ASF1B: variants seen among roughly 807,000 people sequenced by gnomAD.
ASF1B encodes histone chaperone ASF1B.
Under a neutral mutation model 16.6 loss-of-function variants are expected in ASF1B, and 10 were observed. The ratio of observed to expected loss-of-function variants is 0.60; its 90% confidence interval spans 0.37 to 1.02. The LOEUF is 1.02. Ranked by LOEUF, ASF1B falls within the 50% of genes least tolerant of loss-of-function variation. The probability of loss-of-function intolerance (pLI) is 0.01; values close to 1 mark genes in which losing one functional copy is unlikely to be tolerated. For missense variants in ASF1B, 240 were observed against 266.0 expected (o/e 0.90, Z 0.68); for synonymous variants, 101 against 106.2 (o/e 0.95, Z 0.30).
chr19:14,130,101 C>A (rs1376369290), intron 1 of ASF1B, among the ~76,000 whole-genome samples: 1 of 151,540 alleles, frequency 6.6e-6, no homozygotes, highest in Non-Finnish European at 1.5e-5. Flanking sequence ...CTCTGTTGCC[C>A]AGACTAGAGT....
At chr19:14,126,677 GA>G (rs1967323466) in intron 1 of ASF1B, among the ~76,000 whole-genome samples, 4 of 152,148 alleles carry the variant, frequency 2.6e-5, no homozygotes, top group African/African-American at 9.7e-5. Context: ...TCACCATGTT[GA>G]TCAGGCTGGT....
At chr19:14,122,622 A>C (rs1967257428) in intron 2 of ASF1B, among the ~76,000 whole-genome samples, 1 of 152,178 alleles carries the variant, frequency 6.6e-6, no homozygotes, top group African/African-American at 2.4e-5. Flanking sequence ...AGCCTCCCAA[A>C]GGGCTGGGAT....
At chr19:14,121,443 G>C (rs1568542992) in intron 3 of ASF1B, 89 bp downstream of exon 3, 3 of 1,416,114 alleles carry the variant, frequency 2.1e-6, no homozygotes, top group Non-Finnish European at 2.9e-6. Context: ...ACCTTAAGAA[G>C]TGACCTTGAC....
At chr19:14,132,733 G>A (rs937058446) in intron 1 of ASF1B, among the ~76,000 whole-genome samples, 3 of 152,128 alleles carry the variant, frequency 2.0e-5, no homozygotes, top group African/African-American at 4.8e-5. Flanking sequence ...CCGGAGAATC[G>A]CTTGAACTCG....
intron 2 of ASF1B, among the ~76,000 whole-genome samples, chr19:14,124,745 G>A (rs776877139): frequency 3.9e-5 from 6 of 152,146 alleles, no homozygotes; most frequent in South Asian, 2.1e-4. Flanking sequence ...GTGAATGAGC[G>A]TCCTTTCCTC....
intron 2 of ASF1B, among the ~76,000 whole-genome samples, chr19:14,122,821 G>A (rs1409338011): frequency 6.6e-6 from 1 of 152,148 alleles, no homozygotes; most frequent in Non-Finnish European, 1.5e-5. Flanking sequence ...GGCCACCCGG[G>A]GGCCAGCTAA....
intron 1 of ASF1B, among the ~76,000 whole-genome samples, chr19:14,133,990 G>T (rs1232221139): frequency 6.6e-6 from 1 of 151,758 alleles, no homozygotes; most frequent in Non-Finnish European, 1.5e-5. Context: ...TTTTTTAGTA[G>T]AGACGGGGTT....
chr19:14,121,127 C>CT (rs200174297), intron 3 of ASF1B, among the ~76,000 whole-genome samples: 42 of 145,234 alleles, frequency 2.9e-4, no homozygotes, highest in South Asian at 8.7e-4. Flanking sequence ...TGGCCCAGGA[C>CT]TTTTTTTTTT....
chr19:14,121,308 G>T, intron 3 of ASF1B: 1 of 454,450 alleles, frequency 2.2e-6, no homozygotes, highest in South Asian at 5.6e-5. Flanking sequence ...CGGGGGTTAG[G>T]GACAGGGTCT....
intron 3 of ASF1B, chr19:14,121,140 A>G: frequency 3.3e-6 from 1 of 299,732 alleles, no homozygotes; most frequent in Non-Finnish European, 6.1e-6. Context: ...TTTTTTTTTA[A>G]GGGACAGTCT....
At chr19:14,133,856 T>C (rs957924333) in intron 1 of ASF1B, among the ~76,000 whole-genome samples, 2 of 129,940 alleles carry the variant, frequency 1.5e-5, no homozygotes, top group African/African-American at 3.0e-5. Flanking sequence ...CAGGCTGGAG[T>C]GCAGTGGCGC....
intron 1 of ASF1B, among the ~76,000 whole-genome samples, chr19:14,129,071 T>C (rs902287854): frequency 6.6e-6 from 1 of 152,016 alleles, no homozygotes; most frequent in African/African-American, 2.4e-5. Flanking sequence ...CCCTGCAACA[T>C]AGGCAGACTC....
At chr19:14,121,434 C>T in intron 3 of ASF1B, 98 bp downstream of exon 3, 1 of 1,359,240 alleles carries the variant, frequency 7.4e-7, no homozygotes, top group Non-Finnish European at 1.0e-6. Context: ...TACTTGAAAA[C>T]CTTAAGAAGT....
At chr19:14,131,388 G>C (rs1212902278) in intron 1 of ASF1B, among the ~76,000 whole-genome samples, 2 of 151,254 alleles carry the variant, frequency 1.3e-5, no homozygotes, top group Admixed American at 1.3e-4. Flanking sequence ...TCACCACGTC[G>C]GTTAGGCTGG....
At position 14,136,453 on chromosome 19, in the gene ASF1B, C is replaced by A. The variant is rs539058273; in HGVS notation, c.4G>T (p.Ala2Ser). The stretch of plus-strand genomic sequence containing the variant: ...GCCACGTTCAGCACCGACACCTTGG[C>A]CATCGCCTCGCCTCGCCGCGCCGCA... MAKVSVLNVAVL... is the reference protein window; with the variant it reads MSKVSVLNVAVL... Residue 2 changes from alanine (A) to serine (S), a missense_variant, in exon 1 of 4, where the codon GCC becomes TCC. By Grantham distance (99) the Ala-to-Ser change is moderately conservative (BLOSUM62 1). Transcript: ENST00000263382. The A allele has an allele frequency of 6.2e-7, 1 of 1,612,484 alleles. No homozygotes were observed. Among genetic ancestry groups the A allele is most frequent in the South Asian group, 1.1e-5 (1 of 91,002 alleles).
intron 1 of ASF1B, among the ~76,000 whole-genome samples, chr19:14,131,552 G>A (rs1237523809): frequency 1.4e-5 from 2 of 145,110 alleles, no homozygotes; most frequent in South Asian, 4.3e-4. Context: ...GTGCAATCTC[G>A]GCTCGCTGCA....
chr19:14,123,142 C>G lies in ASF1B; in HGVS notation c.226-1434G>C, dbSNP rs1190733242. Among the ~76,000 whole-genome samples the G allele has an allele frequency of 2.0e-5, 3 of 152,124 alleles. No individual in the cohort carries two copies. The East Asian group carries it at 5.8e-4, about 29-fold the overall frequency. On this transcript the variant is annotated intron_variant, in intron 2 of 3. Coordinates refer to ENST00000263382, the MANE Select transcript of ASF1B (RefSeq NM_018154.3). The stretch of plus-strand genomic sequence containing the variant: ...AGACGGTGACAGCAGAGTATCGCAC[C>G]AAGTGTGGGGTCCTGTGCAGCTGCC...
chr19:14,122,062 C>T (rs1967247663), intron 2 of ASF1B, among the ~76,000 whole-genome samples: 2 of 151,966 alleles, frequency 1.3e-5, no homozygotes, highest in South Asian at 4.1e-4. Context: ...TCCCGAGTAG[C>T]TGGGATTACA....
At chr19:14,126,035 G>T in intron 2 of ASF1B, 87 bp downstream of exon 2, 1 of 1,113,228 alleles carries the variant, frequency 9.0e-7, no homozygotes, top group South Asian at 1.6e-5. Flanking sequence ...TTGAACTTTT[G>T]ATTCCTGAAG....
Sources: allele counts gnomAD v4.1 joint callset (sites outside exome capture counted in the v4.1 genomes callset), GRCh38; gene constraint gnomAD v4.1.1; transcripts MANE v1.5; gene names NCBI Gene and HGNC (gene_info 2026-07-23, HGNC 2026-07-21).